Variants in USP4 observed in about 807,000 individuals in gnomAD.
The protein encoded by USP4 is ubiquitin specific peptidase 4.
In USP4, 72 loss-of-function variants were observed where a neutral mutation model predicts 118.2. The ratio of observed to expected loss-of-function variants is 0.61; its 90% confidence interval spans 0.50 to 0.74. USP4 has a LOEUF of 0.74. Ranked by LOEUF, USP4 falls within the 30% of genes least tolerant of loss-of-function variation. USP4 has a pLI of 0.00. For synonymous variants in USP4, 415 were observed against 440.4 expected, an observed-to-expected ratio of 0.94 and a Z score of 0.72; for missense variants, 1,037 against 1,185.7, an observed-to-expected ratio of 0.87 and a Z score of 1.84.
intron 15 of USP4, 77 bp downstream of exon 15, chr3:49,292,433 G>A: frequency 2.0e-6 from 2 of 1,012,634 alleles, no homozygotes; most frequent in Non-Finnish European, 1.4e-6. Context: ...TCTCCCATGT[G>A]TGTAACACCT....
intron 13 of USP4, among the ~76,000 whole-genome samples, chr3:49,295,699 T>C (rs1373254923): frequency 2.1e-5 from 3 of 139,558 alleles, no homozygotes; most frequent in African/African-American, 9.4e-5. Flanking sequence ...CATATGCACG[T>C]GTGCGCGCGC....
intron 16 of USP4, 129 bp from the exon 17 acceptor site, chr3:49,285,048 G>A (rs562782019): frequency 8.5e-6 from 6 of 709,816 alleles, no homozygotes; most frequent in Admixed American, 6.8e-5. Flanking sequence ...AGCAGCCAGT[G>A]TCAAGAGCAA....
At chr3:49,307,560 G>A (rs996266478) in intron 8 of USP4, among the ~76,000 whole-genome samples, 2 of 152,016 alleles carry the variant, frequency 1.3e-5, no homozygotes, top group Non-Finnish European at 2.9e-5. Context: ...AAATCACTGG[G>A]AAACAGGTGT....
intron 2 of USP4, among the ~76,000 whole-genome samples, chr3:49,333,256 TC>T: frequency 6.7e-6 from 1 of 150,072 alleles, no homozygotes; most frequent in Non-Finnish European, 1.5e-5. Flanking sequence ...TTCCTCCATC[TC>T]CCAGGCAACA....
At chr3:49,334,673 G>A (rs961711210) in intron 2 of USP4, among the ~76,000 whole-genome samples, 3 of 152,108 alleles carry the variant, frequency 2.0e-5, no homozygotes, top group Non-Finnish European at 2.9e-5. Context: ...GAGCCCAGGA[G>A]CTCAAGGCCA....
At position 49,300,514 on chromosome 3, in the gene USP4, T is replaced by C. The variant is rs1203419811; in HGVS notation, c.1465A>G (p.Met489Val). The C allele has an allele frequency of 1.2e-6, 2 of 1,614,170 alleles. No individual in the cohort carries two copies. The highest frequency in any genetic ancestry group is 1.1e-5 in the South Asian group (1 of 91,090). Reference sequence around the variant, plus strand: ...TCAGCAGGAACCAGGAAAACCTCCATAACTCGATCTTTCTTCAAGGGCAGT... The same window carrying C: ...TCAGCAGGAACCAGGAAAACCTCCACAACTCGATCTTTCTTCAAGGGCAGT... The part of the protein sequence containing the change: ...LPLPLKKDRV[M>V]EVFLVPADPH... Residue 489 changes from methionine (M) to valine (V), a missense_variant, in exon 11 of 22, where the codon ATG becomes GTG. This residue lies in a region of USP4 where 522 missense variants were observed against 592.6 expected (regional missense o/e 0.88). Coordinates refer to ENST00000265560, the MANE Select transcript of USP4 (RefSeq NM_003363.4).
At chr3:49,318,597 T>C in intron 6 of USP4, 1 of 985,060 alleles carries the variant, frequency 1.0e-6, no homozygotes, top group Non-Finnish European at 1.2e-6. Context: ...TCCTCATTAG[T>C]GAAAAAAAGA....
chr3:49,290,459 A>G (rs1393479632), intron 15 of USP4, among the ~76,000 whole-genome samples: 1 of 152,200 alleles, frequency 6.6e-6, no homozygotes, highest in Admixed American at 6.6e-5. Flanking sequence ...CTAGGACTGC[A>G]TGTCTTGGAG....
chr3:49,287,529 T>C (rs969291739), intron 15 of USP4, among the ~76,000 whole-genome samples: 2 of 150,020 alleles, frequency 1.3e-5, no homozygotes, highest in African/African-American at 2.5e-5. Context: ...CTAGAGTACA[T>C]TGGTGCAATC....
chr3:49,302,828 G>A (rs933053676), intron 9 of USP4, among the ~76,000 whole-genome samples: 4 of 152,142 alleles, frequency 2.6e-5, no homozygotes, highest in African/African-American at 7.2e-5. Flanking sequence ...CCCAAGTACT[G>A]ACATGAATCC....
At position 49,325,056 on chromosome 3, in the gene USP4, A is replaced by T; in HGVS notation, c.488-17T>A. The stretch of plus-strand genomic sequence containing the variant: ...CGATGGTTGCTAGGAACAGGCAGAA[A>T]TATCACTTGGGGCTTTGTCCACATG... On this transcript the variant is annotated splice_polypyrimidine_tract_variant and intron_variant, in intron 4 of 21. Transcript: ENST00000265560. The T allele has an allele frequency of 6.2e-7, 1 of 1,610,140 alleles. No homozygotes were observed.
At chr3:49,306,685 G>A (rs1049194702) in intron 8 of USP4, among the ~76,000 whole-genome samples, 1 of 152,048 alleles carries the variant, frequency 6.6e-6, no homozygotes, top group Non-Finnish European at 1.5e-5. Context: ...GGAAAATTGA[G>A]GGTACAAAGA....
rs1322933409 is a variant in USP4, at chr3:49,294,452, T to G, written c.1838A>C (p.Lys613Thr). 4 of 1,614,074 alleles carry G rather than the reference T, an allele frequency of 2.5e-6. No homozygotes were observed. The highest frequency in any genetic ancestry group is 1.3e-5 in the African/African-American group (1 of 74,944). The change falls in exon 14 of 22, where the codon AAG becomes ACG. Residue 613 changes from lysine to threonine, a missense_variant. Physicochemically the swap from Lys to Thr is moderately conservative, Grantham distance 78. This residue lies in a region of USP4 where 522 missense variants were observed against 592.6 expected (regional missense o/e 0.88). Coordinates refer to ENST00000265560, the MANE Select transcript of USP4 (RefSeq NM_003363.4). Reference protein sequence around the residue: ...QPLLLSVPKHKLTLESLYQAV... With the variant: ...QPLLLSVPKHTLTLESLYQAV... ...CTGGTACAAAGACTCAAGGGTTAACTTGTGCTTGGGGACAGAAAGCAATAG... is the reference window on the plus strand; with the variant it reads ...CTGGTACAAAGACTCAAGGGTTAACGTGTGCTTGGGGACAGAAAGCAATAG...
rs1473009054 is a variant in USP4 at position 49,278,144 on chromosome 3, T to C, written c.*149A>G. On this transcript the variant is annotated 3_prime_UTR_variant, in exon 22 of 22. Coordinates refer to ENST00000265560, the MANE Select transcript of USP4 (RefSeq NM_003363.4). ...GCTTCTTCTAGGTAAACGGTCTTCT[T>C]TTTTTTTTTTTGTTTCCTTCTGCTC... 3 of 213,562 alleles carry C rather than the reference T, an allele frequency of 1.4e-5. No homozygotes were observed. The highest frequency in any genetic ancestry group is 1.7e-5 in the Non-Finnish European group (3 of 174,212). The allele number at this position is 213,562 out of a possible 1,614,324, so 13.2% of individuals were successfully genotyped here. A position where few individuals can be genotyped will look rare whatever the true frequency, so the allele number is the denominator to read the frequency against.
chr3:49,332,954 C>A (rs2107804808), intron 2 of USP4, among the ~76,000 whole-genome samples: 1 of 148,982 alleles, frequency 6.7e-6, no homozygotes, highest in East Asian at 2.0e-4. Context: ...ATCACCTGAG[C>A]CTGGGAAGGT....
chr3:49,294,657 C>A, intron 13 of USP4, 59 bp from the exon 14 acceptor site: 1 of 1,534,726 alleles, frequency 6.5e-7, no homozygotes, highest in South Asian at 1.2e-5. Context: ...CAACAGAGAT[C>A]TGAGCTGAAG....
Position 49,278,225 on chromosome 3 carries a change from G to T in USP4, c.*68C>A. On this transcript the variant is annotated 3_prime_UTR_variant, in exon 22 of 22. Transcript: ENST00000265560. The stretch of plus-strand genomic sequence containing the variant: ...TTAGACAGAACACTAGCAGTCTGCA[G>T]AGTGTCAAAGATGTTCTCCTGGGGG... 1 of 1,540,440 alleles carries T rather than the reference G, an allele frequency of 6.5e-7. No homozygotes were observed. The highest frequency in any genetic ancestry group is 8.8e-7 in the Non-Finnish European group (1 of 1,138,780).
rs766293549 is a variant in USP4, at chr3:49,335,525, T to G, written c.173A>C (p.Asn58Thr). ...YVGFDSWDMY[N>T]VGEHNLFPGP... ...AGGAAATAGGTTATGTTCACCCACA[T>G]TGTACATGTCCCAGCTGTCAAAGCC... Residue 58 changes from asparagine (N) to threonine (T), a missense_variant, in exon 2 of 22, where the codon AAT becomes ACT. Around this residue, in one of 3 missense-constraint regions of USP4, gnomAD observed 487 missense variants for 534.1 expected, o/e 0.91. Transcript: ENST00000265560. The G allele has an allele frequency of 6.2e-7, 1 of 1,614,100 alleles. No individual in the cohort carries two copies. Among genetic ancestry groups the G allele is most frequent in the Non-Finnish European group, 8.5e-7 (1 of 1,180,040 alleles).
At chr3:49,316,341 G>A (rs551324176) in intron 6 of USP4, among the ~76,000 whole-genome samples, 1 of 152,050 alleles carries the variant, frequency 6.6e-6, no homozygotes, top group Admixed American at 6.6e-5. Flanking sequence ...AGGCTGGAGT[G>A]CAGTGGTCCA....
Sources: gnomAD v4.1 joint callset for allele counts (sites outside exome capture counted in the v4.1 genomes callset) on GRCh38, gnomAD v4.1.1 for gene constraint, gnomAD v4.1.1 regional missense constraint, MANE v1.5 for transcripts, NCBI Gene and HGNC (gene_info 2026-07-23, HGNC 2026-07-21) for gene names.